The following SETMAR variants were observed in gnomAD, a reference collection of about 807,000 sequenced individuals.
SETMAR encodes histone-lysine N-methyltransferase SETMAR.
In SETMAR, 44 loss-of-function variants were observed where a neutral mutation model predicts 58.4. That is an observed-to-expected ratio of 0.75 (90% confidence interval 0.59 to 0.97). The LOEUF (loss-of-function observed/expected upper bound fraction) is 0.97, where lower values mean the gene tolerates loss of function less well. Among genes scored for constraint, SETMAR ranks in the 50% least tolerant of loss-of-function variants. The pLI is 0.00. For missense variants in SETMAR, 903 were observed against 840.2 expected, an observed-to-expected ratio of 1.07 and a Z score of -0.92; for synonymous variants, 332 against 307.4, an observed-to-expected ratio of 1.08 and a Z score of -0.84.
At chr3:4,307,722 C>T (rs1698245224) in intron 1 of SETMAR, among the ~76,000 whole-genome samples, 1 of 152,106 alleles carries the variant, frequency 6.6e-6, no homozygotes, top group African/African-American at 2.4e-5. Flanking sequence ...GTAAAACTTA[C>T]ATTGTAACAA....
chr3:4,313,199 T>C lies in SETMAR; in HGVS notation c.458T>C (p.Leu153Pro). The change falls in exon 2 of 3, where the codon CTT (leucine) becomes CCT (proline). Residue 153 changes from leucine to proline, a missense_variant. Transcript: ENST00000358065. ...AAGACGCATAAAAAAGGCTGGGGACTTCGTACCTTGGAATTTATACCGAAA... is the reference window on the plus strand; with the variant it reads ...AAGACGCATAAAAAAGGCTGGGGACCTCGTACCTTGGAATTTATACCGAAA... ...VFKTHKKGWG[L>P]RTLEFIPKGR... is the part of the protein sequence containing the mutation. The C allele has an allele frequency of 3.1e-6, 5 of 1,614,016 alleles. No homozygotes were observed. Among genetic ancestry groups the C allele is most frequent in the Non-Finnish European group, 4.2e-6 (5 of 1,179,984 alleles).
Position 4,313,101 on chromosome 3 carries a change from C to A in SETMAR, c.360C>A (p.Val120=). The change falls in exon 2 of 3, where the codon GTC becomes GTA. Residue 120 remains valine (V), a synonymous_variant. Coordinates refer to ENST00000358065, the MANE Select transcript of SETMAR (RefSeq NM_006515.4). ...KYAEPVFECN[V]LCRCSDHCRN... ...CAGAGCCTGTTTTTGAATGCAATGT[C>A]CTGTGCCGATGCAGTGACCACTGCA... 6.2e-7 allele frequency: 1 copy of A among 1,614,002 alleles called. No homozygotes were observed. The highest frequency in any genetic ancestry group is 1.1e-5 in the South Asian group (1 of 91,074).
Position 4,316,455 on chromosome 3 carries a change from G to A in SETMAR, c.1264G>A (p.Glu422Lys), listed in dbSNP as rs1243049158. 4 of 1,603,438 alleles carry A rather than the reference G, an allele frequency of 2.5e-6. No homozygotes were observed. Among genetic ancestry groups the A allele is most frequent in the South Asian group, 1.1e-5 (1 of 88,696 alleles). The change falls in exon 3 of 3, where the codon GAA becomes AAA. Residue 422 changes from glutamate (E) to lysine (K), a missense_variant. By Grantham distance (56) the Glu-to-Lys change is moderately conservative (BLOSUM62 1). Coordinates refer to ENST00000358065, the MANE Select transcript of SETMAR (RefSeq NM_006515.4). Reference protein sequence around the residue: ...VDNDQLRAIIEADPLTTTREV... With the variant: ...VDNDQLRAIIKADPLTTTREV... The stretch of plus-strand genomic sequence containing the variant: ...CAACGACCAGTTGAGAGCAATCATC[G>A]AAGCTGATCCCCTTACAACTACACG...
intron 1 of SETMAR, among the ~76,000 whole-genome samples, chr3:4,307,288 T>A (rs1698226857): frequency 2.0e-5 from 3 of 152,174 alleles, no homozygotes; most frequent in Admixed American, 2.0e-4. Context: ...AATCTGGCAA[T>A]CGAAAAATGC....
chr3:4,314,269 AC>A (rs1698545687), intron 2 of SETMAR: 1 of 155,652 alleles, frequency 6.4e-6, no homozygotes, highest in African/African-American at 2.4e-5. Context: ...TGCTTAAGTC[AC>A]TGTTATTGTA....
At chr3:4,303,632 C>T (rs1314549879) in intron 1 of SETMAR, 106 bp downstream of exon 1, 4 of 1,416,008 alleles carry the variant, frequency 2.8e-6, no homozygotes, top group African/African-American at 3.0e-5. Flanking sequence ...CTTTTGTCTT[C>T]TCTTACAGCG....
chr3:4,311,865 A>C (rs1698418613), intron 1 of SETMAR, among the ~76,000 whole-genome samples: 1 of 152,218 alleles, frequency 6.6e-6, no homozygotes, highest in Admixed American at 6.5e-5. Context: ...TATATACATA[A>C]AAAAATCTGC....
chr3:4,314,593 T>C (rs1372527587), intron 2 of SETMAR, among the ~76,000 whole-genome samples: 1 of 152,164 alleles, frequency 6.6e-6, no homozygotes, highest in Admixed American at 6.5e-5. Flanking sequence ...TATACTTGGC[T>C]GTACTCCAAA....
rs1291580640 is a variant in SETMAR at position 4,317,073 on chromosome 3, A to G, written c.1882A>G (p.Lys628Glu). Residue 628 changes from lysine (K) to glutamate (E), a missense_variant, in exon 3 of 3, where the codon AAG becomes GAG. Lys to Glu is a moderately conservative substitution (Grantham distance 56, BLOSUM62 1). Transcript: ENST00000358065. Reference sequence around the variant, plus strand: ...CTTGCCAACCAACTACCACGTCTTTAAGCATCTCAACAACTTTTTGCAGGG... The same window carrying G: ...CTTGCCAACCAACTACCACGTCTTTGAGCATCTCAACAACTTTTTGCAGGG... ...DLLPTNYHVF[K>E]HLNNFLQGKR... 4 of 1,549,260 alleles carry G rather than the reference A, an allele frequency of 2.6e-6. No homozygotes were observed. The Admixed American group carries it at 7.8e-5, about 30-fold the overall frequency.
intron 1 of SETMAR, among the ~76,000 whole-genome samples, chr3:4,307,931 C>A (rs1008256451): frequency 6.6e-6 from 1 of 152,038 alleles, no homozygotes; most frequent in African/African-American, 2.4e-5. Context: ...TGCCTGTAGT[C>A]CCACCTACTT....
At chr3:4,305,356 G>A (rs947782934) in intron 1 of SETMAR, among the ~76,000 whole-genome samples, 3 of 152,158 alleles carry the variant, frequency 2.0e-5, no homozygotes, top group Admixed American at 1.3e-4. Context: ...AAAGTGCTGG[G>A]ATTACAGACG....
rs1312784004 is a variant in SETMAR, at chr3:4,316,426, T to A, written c.1235T>A (p.Val412Asp). ...DEERSGRPSE[V>D]DNDQLRAIIE... ...GAGCGTAGTGGCCGGCCATCAGAAGTTGACAACGACCAGTTGAGAGCAATC... is the reference window on the plus strand; with the variant it reads ...GAGCGTAGTGGCCGGCCATCAGAAGATGACAACGACCAGTTGAGAGCAATC... The change falls in exon 3 of 3, where the codon GTT (valine) becomes GAT (aspartate). Residue 412 changes from valine (V) to aspartate (D), a missense_variant. Coordinates refer to ENST00000358065, the MANE Select transcript of SETMAR (RefSeq NM_006515.4). The A allele has an allele frequency of 6.3e-7, 1 of 1,592,850 alleles. No individual in the cohort carries two copies. The highest frequency in any genetic ancestry group is 2.3e-5 in the East Asian group (1 of 43,924).
At chr3:4,304,309 T>G (rs1240644553) in intron 1 of SETMAR, among the ~76,000 whole-genome samples, 1 of 152,054 alleles carries the variant, frequency 6.6e-6, no homozygotes, top group Non-Finnish European at 1.5e-5. Flanking sequence ...GCCCGGCTAA[T>G]TTTTGTATTT....
At chr3:4,314,102 G>A (rs1418652440) in intron 2 of SETMAR, 9 of 381,856 alleles carry the variant, frequency 2.4e-5, no homozygotes, top group Non-Finnish European at 4.3e-5. Context: ...TGGAACTGGA[G>A]CAGTCATCCT....
At chr3:4,312,812 G>C in intron 1 of SETMAR, 86 bp from the exon 2 acceptor site, 1 of 1,474,316 alleles carries the variant, frequency 6.8e-7, no homozygotes, top group Non-Finnish European at 9.1e-7. Context: ...GTTAGAATTA[G>C]AATGGGTCCC....
At chr3:4,314,112 T>C in intron 2 of SETMAR, 1 of 340,432 alleles carries the variant, frequency 2.9e-6, no homozygotes, top group Non-Finnish European at 5.4e-6. Flanking sequence ...GCAGTCATCC[T>C]AGACCCCAGG....
Position 4,313,599 on chromosome 3 carries a change from T to G in SETMAR, c.858T>G (p.Pro286=), listed in dbSNP as rs199553703. Residue 286 remains proline (P), a synonymous_variant, in exon 2 of 3, where the codon CCT becomes CCG. Coordinates refer to ENST00000358065, the MANE Select transcript of SETMAR (RefSeq NM_006515.4). The part of the protein sequence containing the change: ...ERLDHGKLRK[P]CYCGAKSCTA... ...TAGATCATGGGAAACTAAGGAAACC[T>G]TGTTACTGTGGTGCCAAATCATGTA... 6.2e-7 allele frequency: 1 copy of G among 1,614,116 alleles called. No individual in the cohort carries two copies. The highest frequency in any genetic ancestry group is 1.7e-5 in the Admixed American group (1 of 59,988).
At position 4,304,441 on chromosome 3, in the gene SETMAR, T is replaced by C. The variant is rs548712778; in HGVS notation, c.156+915T>C. Among the ~76,000 whole-genome samples the C allele has an allele frequency of 3.9e-5, 6 of 152,306 alleles. No individual in the cohort carries two copies. The South Asian group carries it at 1.2e-3, about 32-fold the overall frequency. On this transcript the variant is annotated intron_variant, in intron 1 of 2. Transcript: ENST00000358065. ...ACAGGCATGAGCCACGCTCCCAGCC[T>C]CTACTGACTTTCTTATCCCTCCGAC...
Position 4,313,712 on chromosome 3 carries a change from G to A in SETMAR, c.971G>A (p.Cys324Tyr), listed in dbSNP as rs778926033. ...SCGNEKEPSM[C>Y]GSAPSVFPSC... ...GGAAATGAGAAGGAACCCAGCATGTGTGGCTCAGCCCCTTCTGTGTTCCCC... is the reference window on the plus strand; with the variant it reads ...GGAAATGAGAAGGAACCCAGCATGTATGGCTCAGCCCCTTCTGTGTTCCCC... The change falls in exon 2 of 3, where the codon TGT becomes TAT. Residue 324 changes from cysteine to tyrosine, a missense_variant. Coordinates refer to ENST00000358065, the MANE Select transcript of SETMAR (RefSeq NM_006515.4). 1.2e-6 allele frequency: 2 copies of A among 1,614,036 alleles called. No homozygotes were observed. Among genetic ancestry groups the A allele is most frequent in the South Asian group, 2.2e-5 (2 of 91,086 alleles).
Sources: gnomAD v4.1 joint callset for allele counts (sites outside exome capture counted in the v4.1 genomes callset) on GRCh38, gnomAD v4.1.1 for gene constraint, MANE v1.5 for transcripts, NCBI Gene and HGNC (gene_info 2026-07-23, HGNC 2026-07-21) for gene names.